The following ERICH6 variants were observed in gnomAD, a reference collection of about 807,000 sequenced individuals.
ERICH6 encodes glutamate-rich protein 6.
ERICH6 carries 71 observed loss-of-function variants against 71.0 expected under a neutral mutation model. That is an observed-to-expected ratio of 1.00 (90% confidence interval 0.83 to 1.22). ERICH6 has a LOEUF of 1.22. ERICH6 is among the 50% of genes most tolerant of loss of function. ERICH6 has a pLI of 0.00. For missense variants in ERICH6, 808 were observed against 797.2 expected (o/e 1.01, Z -0.16); for synonymous variants, 262 against 278.4 (o/e 0.94, Z 0.59).
chr3:150,694,521 T>C (rs1309143467), intron 3 of ERICH6, among the ~76,000 whole-genome samples: 2 of 152,230 alleles, frequency 1.3e-5, no homozygotes, highest in African/African-American at 2.4e-5. Flanking sequence ...GAGGGCCAGA[T>C]GAATACAGAA....
rs866259440 is a variant in ERICH6 at position 150,696,759 on chromosome 3, A to G, written c.553+2032T>C. ...ATCATTTCCACCTAACAGACTGTCA[A>G]AAATTTAAAAGAATGACAATATCAA... On this transcript the variant is annotated intron_variant, in intron 3 of 13. Coordinates refer to ENST00000295910, the MANE Select transcript of ERICH6 (RefSeq NM_152394.5). 2.0e-5 allele frequency among the ~76,000 whole-genome samples: 3 copies of G among 152,326 alleles called. No individual in the cohort carries two copies. In the Middle Eastern group the frequency reaches 0.01, roughly 518 times the overall value.
At chr3:150,664,865 A>T (rs1352383947) in intron 13 of ERICH6, among the ~76,000 whole-genome samples, 1 of 151,884 alleles carries the variant, frequency 6.6e-6, no homozygotes, top group East Asian at 1.9e-4. Context: ...TAATTAAAAA[A>T]AAAACCTAAA....
chr3:150,703,035 G>A (rs1251129617), intron 1 of ERICH6, among the ~76,000 whole-genome samples: 1 of 151,016 alleles, frequency 6.6e-6, no homozygotes, highest in East Asian at 2.0e-4. Flanking sequence ...GTGAATGCAC[G>A]CAAAAATGTT....
At chr3:150,690,530 A>G (rs922334877) in intron 3 of ERICH6, among the ~76,000 whole-genome samples, 1 of 152,230 alleles carries the variant, frequency 6.6e-6, no homozygotes, top group African/African-American at 2.4e-5. Context: ...AACTCTAATT[A>G]ATTGGCTTAA....
At chr3:150,686,980 A>G (rs923047416) in intron 3 of ERICH6, among the ~76,000 whole-genome samples, 27 of 152,116 alleles carry the variant, frequency 1.8e-4, no homozygotes, top group African/African-American at 6.3e-4. Flanking sequence ...AGACCAGCCT[A>G]GCCAACATGG....
intron 3 of ERICH6, among the ~76,000 whole-genome samples, chr3:150,692,407 G>C (rs931006637): frequency 6.6e-6 from 1 of 152,064 alleles, no homozygotes; most frequent in Non-Finnish European, 1.5e-5. Flanking sequence ...ATGATATCAA[G>C]TGTTTTAAAC....
rs2108042735 is a variant in ERICH6, at chr3:150,668,474, T to C, written c.1499+822A>G. 1.3e-5 allele frequency among the ~76,000 whole-genome samples: 2 copies of C among 152,284 alleles called. 1 individual carries two copies. The highest frequency in any genetic ancestry group is 4.1e-4 in the South Asian group (2 of 4,824). The stretch of plus-strand genomic sequence containing the variant: ...GTATAGCACTGCATCAAAGGTAACA[T>C]AGAATTGCTGTAGAATCCTGAAAGA... On this transcript the variant is annotated intron_variant, in intron 12 of 13. Transcript: ENST00000295910.
At chr3:150,663,963 A>C (rs1446659415) in intron 13 of ERICH6, among the ~76,000 whole-genome samples, 1 of 152,156 alleles carries the variant, frequency 6.6e-6, no homozygotes, top group Non-Finnish European at 1.5e-5. Flanking sequence ...AGATAATGAG[A>C]TTATCTGAGA....
intron 6 of ERICH6, 141 bp from the exon 7 acceptor site, chr3:150,682,457 T>C (rs1016613258): frequency 1.3e-5 from 8 of 621,758 alleles, no homozygotes; most frequent in Non-Finnish European, 2.3e-5. Context: ...TGATATCACT[T>C]CCATTTAAGG....
At position 150,672,264 on chromosome 3, in the gene ERICH6, C is replaced by CATATATATATATATATATATAT. The variant is rs57492414; in HGVS notation, c.1343+1691_1343+1692insATATATATATATATATATATAT. On this transcript the variant is annotated intron_variant, in intron 11 of 13. Transcript: ENST00000295910. ...TAAACAAAGAATCCATTTATATATACATATATATATATATGCTCATACACA... is the reference window on the plus strand; with the variant it reads ...TAAACAAAGAATCCATTTATATATACATATATATATATATATATATATATATATATATATATGCTCATACACA... 9.5e-3 allele frequency among the ~76,000 whole-genome samples: 1,169 copies of CATATATATATATATATATATAT among 123,496 alleles called. 63 individuals carry two copies. The highest frequency in any genetic ancestry group is 0.034 in the African/African-American group (1,059 of 30,926). 81.0% of individuals were successfully genotyped at this position (123,496 alleles called of 152,430 possible).
chr3:150,702,205 G>T, intron 1 of ERICH6, 27 bp from the exon 2 acceptor site: 3 of 1,470,556 alleles, frequency 2.0e-6, no homozygotes, highest in Non-Finnish European at 1.9e-6. Context: ...TTAAAAATCA[G>T]CTATTCCCTC....
At chr3:150,695,654 G>C (rs1165167667) in intron 3 of ERICH6, among the ~76,000 whole-genome samples, 1 of 152,014 alleles carries the variant, frequency 6.6e-6, no homozygotes, top group Non-Finnish European at 1.5e-5. Flanking sequence ...GCGACAGAGC[G>C]AGACTTCGTC....
At chr3:150,679,035 C>CAAA (rs1160094551) in intron 9 of ERICH6, among the ~76,000 whole-genome samples, 2,253 of 65,144 alleles carry the variant, frequency 0.035, 90 homozygotes, top group East Asian at 0.057. Flanking sequence ...GACTCTGTCT[C>CAAA]AAAAAAAAAA....
intron 1 of ERICH6, 49 bp downstream of exon 1, chr3:150,703,447 C>G: frequency 6.6e-7 from 1 of 1,506,594 alleles, no homozygotes; most frequent in Non-Finnish European, 8.8e-7. Flanking sequence ...GACCAGGTGC[C>G]CCCTGGAGAC....
At chr3:150,687,889 G>A (rs1576558267) in intron 3 of ERICH6, among the ~76,000 whole-genome samples, 2 of 152,176 alleles carry the variant, frequency 1.3e-5, no homozygotes. Flanking sequence ...AGGCCAAGGT[G>A]GGGAGATTAC....
chr3:150,670,502 A>G (rs1230143158), intron 11 of ERICH6, among the ~76,000 whole-genome samples: 3 of 149,314 alleles, frequency 2.0e-5, no homozygotes, highest in Admixed American at 2.0e-4. Context: ...AAAAAAAAAA[A>G]GTTCTAGCCA....
At chr3:150,684,796 T>C (rs4680094) in intron 6 of ERICH6, among the ~76,000 whole-genome samples, 33,693 of 151,910 alleles carry the variant, frequency 0.22, 4,182 homozygotes, top group East Asian at 0.45. Context: ...TTCTTTCTTT[T>C]TTTTTTAATA....
intron 7 of ERICH6, among the ~76,000 whole-genome samples, chr3:150,681,807 CTTTTTTTTTT>C (rs34909258): frequency 1.4e-5 from 1 of 70,262 alleles, no homozygotes; most frequent in Non-Finnish European, 2.5e-5. Flanking sequence ...ACACATAACT[CTTTTTTTTTT>C]TTTTTTTTTT....
Position 150,669,304 on chromosome 3 carries a change from TC to T in ERICH6, c.1490del (p.Gly497GlufsTer22). On this transcript the variant is annotated frameshift_variant, in exon 12 of 14. Transcript: ENST00000295910. LOFTEE classifies it high-confidence loss of function. ...SGRSSCYHPN[G>X]NVWVYINILG... ...GGAACCTAGAAGCTTACCAGACATT[TC>T]CATTGGGATGATAGCAGGAACTTCT... The T allele has an allele frequency of 6.2e-7, 1 of 1,602,166 alleles. No homozygotes were observed. Among genetic ancestry groups the T allele is most frequent in the Non-Finnish European group, 8.5e-7 (1 of 1,176,030 alleles).
Sources: gnomAD v4.1 joint callset for allele counts (sites outside exome capture counted in the v4.1 genomes callset) on GRCh38, gnomAD v4.1.1 for gene constraint, MANE v1.5 for transcripts, NCBI Gene and HGNC (gene_info 2026-07-23, HGNC 2026-07-21) for gene names.